The following ZFYVE9 variants were observed in gnomAD, a reference collection of about 807,000 sequenced individuals.
ZFYVE9 encodes zinc finger FYVE-type containing 9.
Under a neutral mutation model 126.7 loss-of-function variants are expected in ZFYVE9, and 43 were observed. That is an observed-to-expected ratio of 0.34 (90% CI 0.27 to 0.44). ZFYVE9 has a LOEUF of 0.44. Ranked by LOEUF, ZFYVE9 falls within the 20% of genes least tolerant of loss-of-function variation. The probability of loss-of-function intolerance (pLI) is 1.00; values close to 1 mark genes in which losing one functional copy is unlikely to be tolerated. For synonymous variants in ZFYVE9, 521 were observed against 597.4 expected, an observed-to-expected ratio of 0.87 and a Z score of 1.87; for missense variants, 1,476 against 1,697.0, an observed-to-expected ratio of 0.87 and a Z score of 2.29.
intron 1 of ZFYVE9, among the ~76,000 whole-genome samples, chr1:52,169,315 A>G (rs1572069965): frequency 1.3e-5 from 2 of 152,044 alleles, no homozygotes; most frequent in Non-Finnish European, 2.9e-5. Context: ...TGTGAGGTTC[A>G]CCTAAGCCCA....
In ZFYVE9 at chr1:52,345,874, T is replaced by G. The variant is rs571181280; in HGVS notation, c.4117-186T>G. 2.0e-5 allele frequency: 10 copies of G among 498,666 alleles called. No individual in the cohort carries two copies. The East Asian group carries it at 2.6e-4, about 13-fold the overall frequency. The allele number at this position is 498,666 out of a possible 1,614,324, so 30.9% of individuals were successfully genotyped here. On this transcript the variant is annotated intron_variant, in intron 18 of 18. Transcript: ENST00000287727. ...TACCCAGTGCCTCATGGTTGTCAAG[T>G]GGTCAGGAGGAGTAAACAACAGGAT...
chr1:52,274,712 A>C, intron 8 of ZFYVE9, 128 bp downstream of exon 8: 3 of 1,000,970 alleles, frequency 3.0e-6, no homozygotes, highest in Non-Finnish European at 4.1e-6. Flanking sequence ...CTCCCCCAAA[A>C]CTATGAAAAT....
At chr1:52,325,760 TACAAATTGTA>T (rs1646284801) in intron 13 of ZFYVE9, among the ~76,000 whole-genome samples, 1 of 152,220 alleles carries the variant, frequency 6.6e-6, no homozygotes, top group Admixed American at 6.5e-5. Context: ...CTAACACATA[TACAAATTGTA>T]TCCACTCCTC....
chr1:52,263,147 A>T (rs945645044), intron 4 of ZFYVE9, among the ~76,000 whole-genome samples: 1 of 151,462 alleles, frequency 6.6e-6, no homozygotes, highest in Non-Finnish European at 1.5e-5. Context: ...CCTGGTGTAG[A>T]GGGGAGAAGG....
intron 1 of ZFYVE9, among the ~76,000 whole-genome samples, chr1:52,178,641 G>A (rs1467559373): frequency 6.6e-6 from 1 of 152,078 alleles, no homozygotes; most frequent in Non-Finnish European, 1.5e-5. Flanking sequence ...TTTGGTTGAA[G>A]ATTTAGAAAG....
At position 52,328,189 on chromosome 1, in the gene ZFYVE9, C is replaced by T. The variant is rs183332698; in HGVS notation, c.3439-4579C>T. On this transcript the variant is annotated intron_variant, in intron 13 of 18. Transcript: ENST00000287727. Reference sequence around the variant, plus strand: ...ACATAGAGCTGTGCTTTGATAAGTACGAAAACATTGTATGTGATGAATCAG... The same window carrying T: ...ACATAGAGCTGTGCTTTGATAAGTATGAAAACATTGTATGTGATGAATCAG... Among the ~76,000 whole-genome samples, 46 of 152,062 alleles carry T rather than the reference C, an allele frequency of 3.0e-4. 1 individual carries two copies. The highest frequency in any genetic ancestry group is 2.9e-4 in the African/African-American group (12 of 41,484).
intron 12 of ZFYVE9, among the ~76,000 whole-genome samples, chr1:52,299,913 G>T (rs1467212371): frequency 6.6e-6 from 1 of 152,254 alleles, no homozygotes; most frequent in Non-Finnish European, 1.5e-5. Context: ...CCTGTGAACT[G>T]CAGGCAACTA....
At chr1:52,298,958 G>A (rs754224692) in intron 12 of ZFYVE9, among the ~76,000 whole-genome samples, 22 of 151,776 alleles carry the variant, frequency 1.4e-4, no homozygotes, top group African/African-American at 5.1e-4. Flanking sequence ...ACAGGTGCCC[G>A]CCACCACGCC....
At chr1:52,180,593 G>T in intron 1 of ZFYVE9, 1 of 577,008 alleles carries the variant, frequency 1.7e-6, no homozygotes, top group Non-Finnish European at 3.1e-6. Flanking sequence ...CAAATTGTCT[G>T]GATTTTTTAA....
intron 1 of ZFYVE9, among the ~76,000 whole-genome samples, chr1:52,168,768 A>C (rs1250006410): frequency 6.6e-6 from 1 of 152,036 alleles, no homozygotes; most frequent in African/African-American, 2.4e-5. Context: ...TTCCTGCCTC[A>C]GCCTCCCAGA....
Position 52,203,972 on chromosome 1 carries a change from G to A in ZFYVE9, c.-142-12397G>A, listed in dbSNP as rs180702290. Reference sequence around the variant, plus strand: ...ATCTGTTCTTGCACGCTGTCTACCCGTTATAGCCCTTAGCATATTAATTAT... The same window carrying A: ...ATCTGTTCTTGCACGCTGTCTACCCATTATAGCCCTTAGCATATTAATTAT... On this transcript the variant is annotated intron_variant, in intron 1 of 18. Transcript: ENST00000287727. Among the ~76,000 whole-genome samples, 52 of 151,964 alleles carry A rather than the reference G, an allele frequency of 3.4e-4. 1 individual carries two copies. The highest frequency in any genetic ancestry group is 6.8e-3 in the Middle Eastern group (2 of 294).
At chr1:52,319,831 G>C (rs1223245805) in intron 13 of ZFYVE9, among the ~76,000 whole-genome samples, 1 of 151,142 alleles carries the variant, frequency 6.6e-6, no homozygotes, top group Non-Finnish European at 1.5e-5. Flanking sequence ...TGGCCAACAT[G>C]GTGAAATCCC....
At chr1:52,284,834 C>T (rs1645842588) in intron 10 of ZFYVE9, among the ~76,000 whole-genome samples, 1 of 152,090 alleles carries the variant, frequency 6.6e-6, no homozygotes, top group Non-Finnish European at 1.5e-5. Flanking sequence ...TAATGATAGT[C>T]TAAGGTCAGA....
At chr1:52,305,724 G>T (rs552553162) in intron 13 of ZFYVE9, among the ~76,000 whole-genome samples, 1 of 152,256 alleles carries the variant, frequency 6.6e-6, no homozygotes, top group African/African-American at 2.4e-5. Context: ...TGCAGGCACA[G>T]CTGTAGCTAC....
chr1:52,227,999 T>C (rs1421753789), intron 2 of ZFYVE9, among the ~76,000 whole-genome samples: 3 of 152,232 alleles, frequency 2.0e-5, no homozygotes, highest in Non-Finnish European at 4.4e-5. Context: ...TCCTTCTAGG[T>C]TTATGGCATC....
At chr1:52,315,635 T>C (rs1646176407) in intron 13 of ZFYVE9, among the ~76,000 whole-genome samples, 2 of 151,590 alleles carry the variant, frequency 1.3e-5, no homozygotes, top group East Asian at 3.9e-4. Context: ...AAAATCAAAA[T>C]GGGTAGGTAT....
chr1:52,204,397 G>A lies in ZFYVE9; in HGVS notation c.-142-11972G>A, dbSNP rs151146896. On this transcript the variant is annotated intron_variant, in intron 1 of 18. Coordinates refer to ENST00000287727, the MANE Select transcript of ZFYVE9 (RefSeq NM_004799.4). ...TATAACCCCAGCAGGTTAGGCTTTC[G>A]TCAAATAGTTTCTGCTGAGGGCAGA... Among the ~76,000 whole-genome samples, 520 of 152,102 alleles carry A rather than the reference G, an allele frequency of 3.4e-3. 8 individuals are homozygous for A. Among genetic ancestry groups the A allele is most frequent in the East Asian group, 0.032 (166 of 5,168 alleles).
intron 10 of ZFYVE9, among the ~76,000 whole-genome samples, chr1:52,287,140 A>G (rs943902532): frequency 6.6e-6 from 1 of 151,956 alleles, no homozygotes; most frequent in Non-Finnish European, 1.5e-5. Context: ...CCCGGGCCGG[A>G]GTGCAGTGTT....
chr1:52,330,921 T>C (rs1646335251), intron 13 of ZFYVE9, among the ~76,000 whole-genome samples: 1 of 152,138 alleles, frequency 6.6e-6, no homozygotes, highest in Non-Finnish European at 1.5e-5. Flanking sequence ...GGCTGGAGTG[T>C]AGTAGCGCAA....
Sources: gnomAD v4.1 joint callset for allele counts (sites outside exome capture counted in the v4.1 genomes callset) on GRCh38, gnomAD v4.1.1 for gene constraint, MANE v1.5 for transcripts, NCBI Gene and HGNC (gene_info 2026-07-23, HGNC 2026-07-21) for gene names.